The following ZC3H12B variants were observed in gnomAD, a reference collection of about 807,000 sequenced individuals.
ZC3H12B encodes probable ribonuclease ZC3H12B.
Under a neutral mutation model 43.9 loss-of-function variants are expected in ZC3H12B, and 7 were observed. The ratio of observed to expected loss-of-function variants is 0.16; its 90% CI spans 0.09 to 0.30. The LOEUF is 0.30. ZC3H12B is among the 10% of genes least tolerant of loss of function. ZC3H12B has a pLI of 1.00. For synonymous variants in ZC3H12B, 222 were observed against 241.7 expected, an observed-to-expected ratio of 0.92 and a Z score of 0.76; for missense variants, 475 against 670.2, an observed-to-expected ratio of 0.71 and a Z score of 3.22.
At chrX:65,230,014 A>T in the ZC3H12B span, among the ~76,000 whole-genome samples, 129 of 111,451 alleles carry the variant, frequency 1.2e-3, no homozygotes, top group African/African-American at 4.0e-3. Context: ...ATACCATTTG[A>T]CCCAGCCATC....
the ZC3H12B span, among the ~76,000 whole-genome samples, chrX:65,078,714 G>A: frequency 1.8e-5 from 2 of 111,059 alleles, no homozygotes; most frequent in Non-Finnish European, 3.8e-5. Flanking sequence ...CAACTCTTTG[G>A]AGGAATTTTC....
chrX:65,271,245 G>T, the ZC3H12B span: 3 of 112,003 alleles, frequency 2.7e-5, no homozygotes, highest in Admixed American at 1.9e-4. Flanking sequence ...CTTCAGAAAA[G>T]AATTCATCTA....
the ZC3H12B span, among the ~76,000 whole-genome samples, chrX:65,256,294 C>A: frequency 8.9e-6 from 1 of 111,850 alleles, no homozygotes; most frequent in Non-Finnish European, 1.9e-5. Flanking sequence ...GACATAAAAC[C>A]ATTTCCAGCA....
At chrX:65,252,726 G>A in the ZC3H12B span, among the ~76,000 whole-genome samples, 106 of 111,533 alleles carry the variant, frequency 9.5e-4, no homozygotes, top group South Asian at 3.7e-3. Context: ...CTTTTTGGTC[G>A]CTGTCTTCTC....
intron 3 of ZC3H12B, among the ~76,000 whole-genome samples, chrX:65,434,652 G>A (rs1166272526): frequency 8.9e-6 from 1 of 112,088 alleles, no homozygotes; most frequent in East Asian, 2.8e-4. Flanking sequence ...GACTCAAGTA[G>A]TTCTTTGCAG....
At chrX:65,499,425 A>C in intron 3 of ZC3H12B, 192 bp downstream of exon 8, 1 of 401,861 alleles carries the variant, frequency 2.5e-6, no homozygotes. Flanking sequence ...AGACAACCAC[A>C]ATGTTTTGTT....
chrX:65,464,472 C>T (rs1457882628), intron 3 of ZC3H12B, among the ~76,000 whole-genome samples: 2 of 110,751 alleles, frequency 1.8e-5, no homozygotes, highest in African/African-American at 3.3e-5. Context: ...GCAGTAATAT[C>T]CCCTTTTATT....
intron 3 of ZC3H12B, among the ~76,000 whole-genome samples, chrX:65,468,004 G>T (rs1407611316): frequency 1.8e-5 from 2 of 111,628 alleles, no homozygotes; most frequent in African/African-American, 6.5e-5. Flanking sequence ...TTGTTTTAGG[G>T]GTCTTAGTTA....
At chrX:65,154,984 CTG>C in the ZC3H12B span, among the ~76,000 whole-genome samples, 5 of 102,221 alleles carry the variant, frequency 4.9e-5, no homozygotes, top group Admixed American at 2.1e-4. Context: ...TTTTTTTTGA[CTG>C]TGTCTTGCTC....
the ZC3H12B span, among the ~76,000 whole-genome samples, chrX:65,087,131 C>G: frequency 7.2e-5 from 8 of 110,693 alleles, no homozygotes; most frequent in Non-Finnish European, 1.5e-4. Context: ...CCGATACCCA[C>G]AATAGGTGCG....
At chrX:65,315,353 T>A in the ZC3H12B span, among the ~76,000 whole-genome samples, 1 of 111,274 alleles carries the variant, frequency 9.0e-6, no homozygotes, top group African/African-American at 3.3e-5. Flanking sequence ...AGAAGAAAAA[T>A]GGAAGTATAC....
At chrX:65,152,360 A>C in the ZC3H12B span, among the ~76,000 whole-genome samples, 10 of 111,868 alleles carry the variant, frequency 8.9e-5, no homozygotes. Context: ...AATCTCCTTA[A>C]GCTGATAAGC....
chrX:65,455,674 G>A (rs1333139528), intron 3 of ZC3H12B, among the ~76,000 whole-genome samples: 1 of 111,508 alleles, frequency 9.0e-6, no homozygotes, highest in Admixed American at 9.6e-5. Context: ...ACACATAATT[G>A]TCAGATTCAC....
At chrX:65,040,372 G>GTT in the ZC3H12B span, among the ~76,000 whole-genome samples, 14 of 85,637 alleles carry the variant, frequency 1.6e-4, no homozygotes, top group South Asian at 3.2e-3. Context: ...ATCATTAACT[G>GTT]TTTTTTTTTT....
Position 65,395,760 on chromosome X carries a change from G to A in ZC3H12B, n.296-2833G>A, listed in dbSNP as rs745707483. 3.6e-5 allele frequency among the ~76,000 whole-genome samples: 4 copies of A among 111,811 alleles called. No homozygotes were observed. In the South Asian group the frequency reaches 1.1e-3, roughly 32 times the overall value. ...CATTTGGAATAGTTTCAGAAGAAAT[G>A]GTACCAGCTCCTCTTTGTACCTCTG... is the stretch of plus-strand genomic sequence containing the variant. On this transcript the variant is annotated intron_variant and non_coding_transcript_variant, in intron 2 of 5. Coordinates refer to the ZC3H12B transcript ENST00000617377.
chrX:65,383,227 A>T (rs184449106), intron 2 of ZC3H12B, among the ~76,000 whole-genome samples: 304 of 112,129 alleles, frequency 2.7e-3, no homozygotes, highest in African/African-American at 9.0e-3. Context: ...AGTAACCAAA[A>T]CAGCATGGTA....
At chrX:65,351,039 A>T in the ZC3H12B span, among the ~76,000 whole-genome samples, 4 of 112,199 alleles carry the variant, frequency 3.6e-5, no homozygotes, top group East Asian at 1.1e-3. Flanking sequence ...AGAAGAAAAA[A>T]GCTGGAGGCA....
chrX:65,412,720 A>G (rs753275557), intron 3 of ZC3H12B, among the ~76,000 whole-genome samples: 2 of 111,881 alleles, frequency 1.8e-5, no homozygotes, highest in East Asian at 5.6e-4. Context: ...TGCTCACCTC[A>G]GCCTCCCAAA....
chrX:65,308,912 C>G, the ZC3H12B span, among the ~76,000 whole-genome samples: 1 of 111,743 alleles, frequency 8.9e-6, no homozygotes, highest in East Asian at 2.8e-4. Context: ...AAAATGAAGG[C>G]AGAAATAAAG....
Sources: allele counts gnomAD v4.1 joint callset (sites outside exome capture counted in the v4.1 genomes callset), GRCh38; gene constraint gnomAD v4.1.1; transcripts MANE v1.5; gene names NCBI Gene and HGNC (gene_info 2026-07-23, HGNC 2026-07-21).